The following HYDIN variants were observed in gnomAD, a reference collection of about 807,000 sequenced individuals.
HYDIN encodes the protein axonemal central pair apparatus protein HYDIN.
A neutral mutation model predicts 403.9 loss-of-function variants in HYDIN; 132 were observed. That is an observed-to-expected ratio of 0.33 (90% CI 0.28 to 0.38). HYDIN has a LOEUF of 0.38. Among genes scored for constraint, HYDIN ranks in the 10% least tolerant of loss-of-function variants. The probability of loss-of-function intolerance (pLI) is 1.00; values close to 1 mark genes in which losing one functional copy is unlikely to be tolerated. For missense variants in HYDIN, 2,827 were observed against 5,009.5 expected (o/e 0.56, Z 13.15); for synonymous variants, 1,202 against 1,891.7 (o/e 0.64, Z 9.46).
intron 4 of HYDIN, 96 bp from the exon 5 acceptor site, chr16:71,175,837 T>A: frequency 2.4e-6 from 3 of 1,268,180 alleles, no homozygotes; most frequent in Non-Finnish European, 3.4e-6. Context: ...ACGTGTGACC[T>A]TGGTCAGGTC....
intron 18 of HYDIN, among the ~76,000 whole-genome samples, chr16:71,058,631 A>T (rs1351412739): frequency 6.7e-6 from 1 of 149,832 alleles, no homozygotes; most frequent in Non-Finnish European, 1.5e-5. Flanking sequence ...AAAAAAAAAA[A>T]AAAAGAAATT....
chr16:71,062,673 G>A (rs2082131947), intron 16 of HYDIN: 3 of 184,588 alleles, frequency 1.6e-5, no homozygotes, highest in African/African-American at 2.4e-5. Flanking sequence ...GCACCCTCAC[G>A]CATCATCCCC....
At chr16:71,169,814 C>CA (rs971054481) in intron 5 of HYDIN, among the ~76,000 whole-genome samples, 9 of 151,112 alleles carry the variant, frequency 6.0e-5, no homozygotes, top group South Asian at 2.1e-4. Context: ...GTTCTCACTA[C>CA]AAAAAAAATT....
At chr16:70,922,297 C>T (rs1774390) in intron 45 of HYDIN, among the ~76,000 whole-genome samples, 166 of 152,292 alleles carry the variant, frequency 1.1e-3, no homozygotes, top group African/African-American at 3.7e-3. Flanking sequence ...TGGGTTTGCA[C>T]GGAAGATGGG....
At chr16:71,032,441 ATAAT>A (rs1056433302) in intron 18 of HYDIN, among the ~76,000 whole-genome samples, 10 of 151,870 alleles carry the variant, frequency 6.6e-5, no homozygotes, top group Non-Finnish European at 4.4e-5. Context: ...CTAATTTATA[ATAAT>A]TAATAATTAG....
intron 11 of HYDIN, among the ~76,000 whole-genome samples, chr16:71,092,952 C>T (rs2083157657): frequency 6.9e-6 from 1 of 145,240 alleles, no homozygotes; most frequent in Non-Finnish European, 1.5e-5. Flanking sequence ...ATATTAACTA[C>T]TACACGATCC....
intron 12 of HYDIN, among the ~76,000 whole-genome samples, chr16:71,084,968 T>C (rs1303870418): frequency 6.8e-6 from 1 of 146,972 alleles, no homozygotes; most frequent in East Asian, 2.0e-4. Context: ...TCATGGGGTA[T>C]AATCCTTTCC....
chr16:70,902,819 A>ATTTT (rs1444020291), intron 52 of HYDIN, among the ~76,000 whole-genome samples: 11 of 17,198 alleles, frequency 6.4e-4, no homozygotes, highest in African/African-American at 2.6e-3. Context: ...ATATATATAT[A>ATTTT]TATTTTTTTT....
intron 43 of HYDIN, among the ~76,000 whole-genome samples, chr16:70,939,334 C>A (rs191315999): frequency 1.3e-5 from 2 of 152,206 alleles, no homozygotes; most frequent in African/African-American, 2.4e-5. Context: ...CCAGCTGCCT[C>A]GTTTTCCAGA....
At position 70,863,199 on chromosome 16, in the gene HYDIN, G is replaced by A. The variant is rs748174517; in HGVS notation, c.11472-17C>T. On this transcript the variant is annotated splice_polypyrimidine_tract_variant and intron_variant, in intron 67 of 85. Transcript: ENST00000393567. ...ACATCGAACCTGCAAATCGATCAGGGAGCAGATTTGAGAAATGTGCTGCAG... is the reference window on the plus strand; with the variant it reads ...ACATCGAACCTGCAAATCGATCAGGAAGCAGATTTGAGAAATGTGCTGCAG... The A allele has an allele frequency of 1.5e-5, 24 of 1,608,980 alleles. 1 individual carries two copies. The Admixed American group carries it at 3.4e-4, about 22-fold the overall frequency.
intron 10 of HYDIN, among the ~76,000 whole-genome samples, chr16:71,097,616 C>T (rs995085508): frequency 5.5e-5 from 8 of 144,800 alleles, no homozygotes; most frequent in African/African-American, 1.1e-4. Flanking sequence ...AATGGTTGTG[C>T]TAATTCCACA....
At chr16:70,895,515 G>A (rs1358406095) in intron 54 of HYDIN, among the ~76,000 whole-genome samples, 1 of 151,874 alleles carries the variant, frequency 6.6e-6, no homozygotes, top group African/African-American at 2.4e-5. Context: ...TCTAGGAGTT[G>A]GAAACGGTAT....
Position 70,804,752 on chromosome 16 carries a change from G to A in HYDIN, c.*2828C>T, listed in dbSNP as rs1311907059. Among the ~76,000 whole-genome samples, 3 of 152,216 alleles carry A rather than the reference G, an allele frequency of 2.0e-5. No homozygotes were observed. Among genetic ancestry groups the A allele is most frequent in the Middle Eastern group, 3.2e-3 (1 of 316 alleles). On this transcript the variant is annotated 3_prime_UTR_variant, in exon 86 of 86. Transcript: ENST00000393567. ...CAGCTATGAGGAAGCAGGTCTGAGC[G>A]CAGGCTGATCTAGTGATTAATGCTG...
chr16:71,062,387 G>A (rs1272080807), intron 16 of HYDIN, 54 bp from the exon 17 acceptor site: 19 of 1,416,864 alleles, frequency 1.3e-5, no homozygotes, highest in African/African-American at 2.8e-5. Context: ...AACAAATAGC[G>A]TATTTGCTTA....
rs200527390 is a variant in HYDIN, at chr16:70,916,351, A to G, written c.8004+1860T>C. Among the ~76,000 whole-genome samples the G allele has an allele frequency of 3.3e-5, 5 of 151,996 alleles. No individual in the cohort carries two copies. The East Asian group carries it at 9.6e-4, about 29-fold the overall frequency. On this transcript the variant is annotated intron_variant, in intron 47 of 85. Transcript: ENST00000393567. ...TTCCTCTACCCCTGTATTTTGCTCA[A>G]CTCTCTAAATTGACTCAGCTCCAGG...
intron 47 of HYDIN, among the ~76,000 whole-genome samples, chr16:70,914,214 A>C (rs1368547407): frequency 6.6e-6 from 1 of 151,348 alleles, no homozygotes; most frequent in African/African-American, 2.4e-5. Flanking sequence ...TTTTAATTGT[A>C]TTTTTGTTTT....
At chr16:71,189,777 A>C (rs993545466) in intron 1 of HYDIN, among the ~76,000 whole-genome samples, 1 of 151,804 alleles carries the variant, frequency 6.6e-6, no homozygotes, top group Non-Finnish European at 1.5e-5. Flanking sequence ...AAAAAAAAAA[A>C]AAAAACAAAC....
intron 10 of HYDIN, among the ~76,000 whole-genome samples, chr16:71,094,696 A>G (rs1597762925): frequency 6.6e-6 from 1 of 152,304 alleles, no homozygotes; most frequent in Admixed American, 6.5e-5. Context: ...CAACGTCGTG[A>G]TAATGCACTT....
intron 1 of HYDIN, among the ~76,000 whole-genome samples, chr16:71,205,638 A>G (rs537461983): frequency 1.6e-4 from 24 of 152,356 alleles, no homozygotes; most frequent in Admixed American, 5.9e-4. Context: ...GCCAGGGCTC[A>G]GTGTCAGCTT....
Sources: allele counts gnomAD v4.1 joint callset (sites outside exome capture counted in the v4.1 genomes callset), GRCh38; gene constraint gnomAD v4.1.1; transcripts MANE v1.5; gene names NCBI Gene and HGNC (gene_info 2026-07-23, HGNC 2026-07-21).